The following TMEM273 variants were observed in gnomAD, a reference collection of about 807,000 sequenced individuals.
TMEM273 encodes the protein chromosome 10 open reading frame 128.
TMEM273 carries 19 observed loss-of-function variants against 17.9 expected under a neutral mutation model. The ratio of observed to expected loss-of-function variants is 1.06; its 90% confidence interval spans 0.74 to 1.55. TMEM273 has a LOEUF of 1.55. TMEM273 is among the 40% of genes most tolerant of loss of function. TMEM273 has a pLI of 0.00. For missense variants in TMEM273, 194 were observed against 155.6 expected (o/e 1.25, Z -1.31); for synonymous variants, 66 against 62.0 (o/e 1.07, Z -0.31).
intron 5 of TMEM273, among the ~76,000 whole-genome samples, chr10:49,162,836 AG>A (rs1485212638): frequency 6.6e-6 from 1 of 152,162 alleles, no homozygotes; most frequent in Admixed American, 6.5e-5. Context: ...AAGGCAACAA[AG>A]GTTCTAGGAA....
At chr10:49,167,814 A>G in intron 2 of TMEM273, 95 bp downstream of exon 2, 1 of 1,500,876 alleles carries the variant, frequency 6.7e-7, no homozygotes, top group African/African-American at 1.4e-5. Flanking sequence ...ACAGCAGGGA[A>G]CCAATTCCAG....
chr10:49,176,947 G>A (rs1412369677), intron 1 of TMEM273, among the ~76,000 whole-genome samples: 1 of 152,164 alleles, frequency 6.6e-6, no homozygotes, highest in African/African-American at 2.4e-5. Context: ...CAAGCCCCAC[G>A]CATGGTCCAG....
chr10:49,185,818 A>C (rs1847630184), intron 1 of TMEM273, among the ~76,000 whole-genome samples: 1 of 151,916 alleles, frequency 6.6e-6, no homozygotes, highest in African/African-American at 2.4e-5. Context: ...ATCTCTACTA[A>C]AAATACAAAA....
rs2466756 is a variant in TMEM273 at position 49,168,061 on chromosome 10, A to G, written c.44-99T>C. The G allele has an allele frequency of 2.3e-4, 327 of 1,433,968 alleles. 3 individuals carry two copies. In the East Asian group the frequency reaches 6.7e-3, roughly 29 times the overall value. 88.8% of individuals were successfully genotyped at this position (1,433,968 alleles called of 1,614,324 possible). ...CTGGGAAAGCCTACCCCATGTACCC[A>G]CCAGGAGCACAGAGGTGGGCTCCCA... On this transcript the variant is annotated intron_variant, in intron 1 of 6. Transcript: ENST00000374153.
intron 1 of TMEM273, among the ~76,000 whole-genome samples, chr10:49,185,591 A>C (rs554601230): frequency 6.6e-6 from 1 of 152,328 alleles, no homozygotes; most frequent in East Asian, 1.9e-4. Context: ...TTTTGTTCAC[A>C]AACATTTACT....
chr10:49,180,655 GA>G (rs537309733), intron 1 of TMEM273, among the ~76,000 whole-genome samples: 21 of 150,066 alleles, frequency 1.4e-4, no homozygotes, highest in African/African-American at 3.2e-4. Flanking sequence ...CTATTTGAAT[GA>G]AAAAAAAAAT....
intron 2 of TMEM273, 129 bp from the exon 3 acceptor site, chr10:49,167,138 C>A: frequency 7.9e-7 from 1 of 1,272,830 alleles, no homozygotes; most frequent in Non-Finnish European, 1.1e-6. Flanking sequence ...CCAGCCTCAC[C>A]TTCTACTCTC....
chr10:49,159,463 TA>T (rs942222058), intron 6 of TMEM273, among the ~76,000 whole-genome samples: 1 of 151,986 alleles, frequency 6.6e-6, no homozygotes, highest in Non-Finnish European at 1.5e-5. Flanking sequence ...AGAAAATGAG[TA>T]AAAATATTAT....
At position 49,165,196 on chromosome 10, in the gene TMEM273, G is replaced by A. The variant is rs1055380083; in HGVS notation, c.348+9C>T. The A allele has an allele frequency of 2.5e-5, 39 of 1,547,648 alleles. No individual in the cohort carries two copies. Among genetic ancestry groups the A allele is most frequent in the Non-Finnish European group, 3.3e-5 (38 of 1,146,112 alleles). The stretch of plus-strand genomic sequence containing the variant: ...GAGAATGGTGGCTGGAGTCGAGAGG[G>A]GATTGTACCTTAAATAGGCCCTCCA... On this transcript the variant is annotated intron_variant, in intron 5 of 6. Coordinates refer to ENST00000374153, the MANE Select transcript of TMEM273 (RefSeq NM_001288740.3).
At chr10:49,160,114 A>G (rs549334371) in intron 6 of TMEM273, among the ~76,000 whole-genome samples, 3 of 152,364 alleles carry the variant, frequency 2.0e-5, no homozygotes, top group Non-Finnish European at 4.4e-5. Flanking sequence ...CCAATGGCAA[A>G]AACTGCTTGA....
rs12247527 is a variant in TMEM273 at position 49,186,110 on chromosome 10, G to C, written c.43+2184C>G. ...AAGAAGAAGAAGAAGAAGAAGAAGA[G>C]GAAGAAGAAGAAAAAGAGGAAGAAG... On this transcript the variant is annotated intron_variant, in intron 1 of 6. Coordinates refer to ENST00000374153, the MANE Select transcript of TMEM273 (RefSeq NM_001288740.3). Among the ~76,000 whole-genome samples the C allele has an allele frequency of 1.4e-3, 121 of 83,490 alleles. 3 individuals carry two copies. The highest frequency in any genetic ancestry group is 4.9e-3 in the African/African-American group (114 of 23,442). 54.8% of individuals were successfully genotyped at this position (83,490 alleles called of 152,430 possible).
At chr10:49,163,213 C>A (rs1409025401) in intron 5 of TMEM273, among the ~76,000 whole-genome samples, 1 of 152,026 alleles carries the variant, frequency 6.6e-6, no homozygotes, top group Non-Finnish European at 1.5e-5. Flanking sequence ...GCACTGGGAG[C>A]AGTTCGGCAT....
At chr10:49,156,328 C>T (rs1590170399) in intron 6 of TMEM273, 37 of 1,262,492 alleles carry the variant, frequency 2.9e-5, no homozygotes, top group Middle Eastern at 4.3e-4. Context: ...ATCTGAACTA[C>T]GAGCTGTTAC....
chr10:49,156,859 A>G (rs922362185), intron 6 of TMEM273, among the ~76,000 whole-genome samples: 2 of 152,270 alleles, frequency 1.3e-5, no homozygotes, highest in Non-Finnish European at 2.9e-5. Flanking sequence ...AAGACAAGAA[A>G]GACATTGGAA....
At position 49,186,068 on chromosome 10, in the gene TMEM273, GGAAGAAGAAGAA is replaced by G. The variant is rs35480919; in HGVS notation, c.43+2214_43+2225del. On this transcript the variant is annotated intron_variant, in intron 1 of 6. Coordinates refer to ENST00000374153, the MANE Select transcript of TMEM273 (RefSeq NM_001288740.3). ...AAGAAGAAGAGGAAGAAGAAGAAGA[GGAAGAAGAAGAA>G]GAAGAAGAAGAAGAAGAAGAAGAAG... 7.7e-4 allele frequency among the ~76,000 whole-genome samples: 52 copies of G among 67,192 alleles called. 1 individual carries two copies. Among genetic ancestry groups the G allele is most frequent in the African/African-American group, 2.5e-3 (49 of 19,798 alleles). The allele number at this position is 67,192 out of a possible 152,430, so 44.1% of individuals were successfully genotyped here.
intron 1 of TMEM273, among the ~76,000 whole-genome samples, chr10:49,185,714 C>T (rs1262882462): frequency 2.0e-5 from 3 of 152,112 alleles, no homozygotes; most frequent in African/African-American, 4.8e-5. Flanking sequence ...CACGGTGGCT[C>T]ACGCCTGTAA....
intron 1 of TMEM273, among the ~76,000 whole-genome samples, chr10:49,180,931 G>A (rs1436325924): frequency 6.6e-6 from 1 of 152,184 alleles, no homozygotes; most frequent in Non-Finnish European, 1.5e-5. Context: ...AGTAAGATGA[G>A]AGGAAATAAA....
At position 49,156,346 on chromosome 10, in the gene TMEM273, G is replaced by A. The variant is rs946014302; in HGVS notation, c.373-437C>T. On this transcript the variant is annotated intron_variant, in intron 6 of 6. Transcript: ENST00000374153. Reference sequence around the variant, plus strand: ...TGAACTACGAGCTGTTACAGAGGGTGAGACTTCTCTGTGCTTGGTGTACCA... The same window carrying A: ...TGAACTACGAGCTGTTACAGAGGGTAAGACTTCTCTGTGCTTGGTGTACCA... 7.7e-6 allele frequency: 9 copies of A among 1,164,994 alleles called. No individual in the cohort carries two copies. The African/African-American group carries it at 8.0e-5, about 10-fold the overall frequency. 72.2% of individuals were successfully genotyped at this position (1,164,994 alleles called of 1,614,324 possible). A position where few individuals can be genotyped will look rare whatever the true frequency, so the allele number is the denominator to read the frequency against.
intron 1 of TMEM273, among the ~76,000 whole-genome samples, chr10:49,173,795 G>A (rs1273207195): frequency 6.6e-6 from 1 of 152,220 alleles, no homozygotes; most frequent in Non-Finnish European, 1.5e-5. Flanking sequence ...GAAGAGATAA[G>A]ATCTAGTGTA....
Sources: allele counts gnomAD v4.1 joint callset (sites outside exome capture counted in the v4.1 genomes callset), GRCh38; gene constraint gnomAD v4.1.1; transcripts MANE v1.5; gene names NCBI Gene and HGNC (gene_info 2026-07-23, HGNC 2026-07-21).